BEND7: variants seen among roughly 807,000 people sequenced by gnomAD.
The protein encoded by BEND7 is BEN domain-containing protein 7.
In BEND7, 28 loss-of-function variants were observed where a neutral mutation model predicts 50.9. The observed-to-expected ratio is 0.55, with a 90% CI of 0.41 to 0.75. BEND7 has a LOEUF of 0.75. BEND7 is among the 30% of genes least tolerant of loss of function. The pLI is 0.00. For missense variants in BEND7, 477 were observed against 491.3 expected (o/e 0.97, Z 0.28); for synonymous variants, 170 against 183.9 (o/e 0.92, Z 0.61).
Position 13,455,177 on chromosome 10 carries a change from A to T in BEND7, c.1064-2519T>A, listed in dbSNP as rs142324627. ...ACAGAGCAAGACTCTGACTCAAACA[A>T]ACACACAACAAAACAAAACAAAACA... On this transcript the variant is annotated intron_variant, in intron 6 of 8. Transcript: ENST00000466271. Among the ~76,000 whole-genome samples, 325 of 152,092 alleles carry T rather than the reference A, an allele frequency of 2.1e-3. 1 individual carries two copies. Among genetic ancestry groups the T allele is most frequent in the Admixed American group, 3.5e-3 (53 of 15,280 alleles).
At chr10:13,471,413 C>T (rs1214234812) in intron 6 of BEND7, among the ~76,000 whole-genome samples, 3 of 152,206 alleles carry the variant, frequency 2.0e-5, no homozygotes, top group Non-Finnish European at 2.9e-5. Context: ...GAAATGTCAA[C>T]TGAACAAGTG....
At chr10:13,505,827 C>T (rs2132346345) in intron 2 of BEND7, among the ~76,000 whole-genome samples, 1 of 152,252 alleles carries the variant, frequency 6.6e-6, no homozygotes, top group East Asian at 1.9e-4. Flanking sequence ...CCTGTCTGTG[C>T]CCTACAAATG....
At chr10:13,460,754 G>T (rs1014978315) in intron 6 of BEND7, among the ~76,000 whole-genome samples, 1 of 152,216 alleles carries the variant, frequency 6.6e-6, no homozygotes, top group Non-Finnish European at 1.5e-5. Context: ...CTTATTAAGT[G>T]CAACTATGGT....
At chr10:13,444,076 T>TA (rs1011730278) in intron 8 of BEND7, 1 of 152,150 alleles carries the variant, frequency 6.6e-6, no homozygotes, top group Non-Finnish European at 1.5e-5. Flanking sequence ...CTTTTTTTTT[T>TA]AATGCAAATT....
At chr10:13,461,550 T>C (rs1310613533) in intron 6 of BEND7, among the ~76,000 whole-genome samples, 1 of 152,148 alleles carries the variant, frequency 6.6e-6, no homozygotes, top group East Asian at 1.9e-4. Flanking sequence ...CTGGCCAACA[T>C]GGCCAAACTC....
chr10:13,439,032 C>G (rs1835040410), downstream of BEND7: 1 of 835,064 alleles, frequency 1.2e-6, no homozygotes, highest in African/African-American at 1.7e-5. Flanking sequence ...AATCAGTCCA[C>G]TCTTGCTGGG....
downstream of BEND7, among the ~76,000 whole-genome samples, chr10:13,439,790 C>A (rs1239198773): frequency 6.6e-6 from 1 of 152,172 alleles, no homozygotes. Context: ...CCAGGCGGAT[C>A]GACCTAAGAT....
chr10:13,507,519 C>G (rs2077982339), intron 2 of BEND7, among the ~76,000 whole-genome samples: 1 of 152,184 alleles, frequency 6.6e-6, no homozygotes, highest in South Asian at 2.1e-4. Context: ...GATTAAGGAA[C>G]AAGGAAAGAT....
In BEND7 at chr10:13,496,828, G is replaced by C. The variant is rs754764345; in HGVS notation, c.509C>G (p.Ser170Ter). Reference protein sequence around the residue: ...GSNCCTCNCQSTLQAILQELK... With the variant: ...GSNCCTCNCQ ...TTCTTGTAGAATGGCCTGCAACGTT[G>C]ACTGGCAGTTACAAGTACAGCAGTT... Residue 170 changes from serine (S) to a stop codon, truncating the protein, a stop_gained, in exon 4 of 9, where the codon TCA (serine) becomes TGA (stop). Transcript: ENST00000466271. LOFTEE classifies it high-confidence loss of function. 1 of 1,612,208 alleles carries C rather than the reference G, an allele frequency of 6.2e-7. No homozygotes were observed. The highest frequency in any genetic ancestry group is 1.1e-5 in the South Asian group (1 of 91,026).
At chr10:13,500,660 G>GCTGC in intron 2 of BEND7, 1 of 985,846 alleles carries the variant, frequency 1.0e-6, no homozygotes, top group South Asian at 4.7e-5. Flanking sequence ...AGGATGACAC[G>GCTGC]CTGCCGCTGG....
At chr10:13,452,303 CT>C (rs1314185020) in intron 7 of BEND7, among the ~76,000 whole-genome samples, 3 of 152,150 alleles carry the variant, frequency 2.0e-5, no homozygotes, top group Admixed American at 2.0e-4. Flanking sequence ...GATTAGCAAT[CT>C]TTTTCACTTG....
intron 2 of BEND7, among the ~76,000 whole-genome samples, chr10:13,501,374 C>CAA (rs58905816): frequency 6.9e-5 from 5 of 72,954 alleles, no homozygotes; most frequent in African/African-American, 1.6e-4. Flanking sequence ...AACTCCATCT[C>CAA]AAAAAAAAAA....
chr10:13,439,440 A>C (rs367720859), downstream of BEND7: 11 of 1,613,984 alleles, frequency 6.8e-6, no homozygotes, highest in Middle Eastern at 1.6e-4. Context: ...GCTCTGCAAG[A>C]CTAGGGTCAC....
chr10:13,474,500 C>T (rs1270872616), intron 6 of BEND7, among the ~76,000 whole-genome samples: 20 of 151,836 alleles, frequency 1.3e-4, no homozygotes, highest in South Asian at 4.2e-4. Context: ...GGCCGATACC[C>T]GTCACCGCTG....
intron 5 of BEND7, among the ~76,000 whole-genome samples, chr10:13,488,975 G>C (rs992786734): frequency 6.6e-6 from 1 of 152,142 alleles, no homozygotes. Context: ...GATAGATATA[G>C]ATAAGTTTTA....
At chr10:13,500,386 T>C (rs2077354209) in intron 2 of BEND7, 2 of 518,924 alleles carry the variant, frequency 3.9e-6, no homozygotes, top group African/African-American at 3.9e-5. Flanking sequence ...TCTGAATGAG[T>C]AGGTGATGAG....
intron 2 of BEND7, among the ~76,000 whole-genome samples, chr10:13,524,141 CCT>C (rs1205237922): frequency 1.3e-5 from 2 of 152,160 alleles, no homozygotes; most frequent in African/African-American, 2.4e-5. Context: ...TTCAGCTTCC[CCT>C]CTCTTATCCT....
intron 2 of BEND7, among the ~76,000 whole-genome samples, chr10:13,501,113 G>A (rs546429201): frequency 3.3e-5 from 5 of 152,196 alleles, no homozygotes; most frequent in East Asian, 1.9e-4. Context: ...AGTGGCTCAC[G>A]CCTGTAATCC....
At chr10:13,520,869 G>C (rs1416856922) in intron 2 of BEND7, among the ~76,000 whole-genome samples, 1 of 152,216 alleles carries the variant, frequency 6.6e-6, no homozygotes, top group South Asian at 2.1e-4. Flanking sequence ...ACCAAGTTCT[G>C]CATCCACAGC....
Sources: gnomAD v4.1 joint callset for allele counts (sites outside exome capture counted in the v4.1 genomes callset) on GRCh38, gnomAD v4.1.1 for gene constraint, MANE v1.5 for transcripts, NCBI Gene and HGNC (gene_info 2026-07-23, HGNC 2026-07-21) for gene names.